The following SPATA6 variants were observed in gnomAD, a reference collection of about 807,000 sequenced individuals.
SPATA6 encodes the protein spermatogenesis-associated protein 6.
In SPATA6, 56 loss-of-function variants were observed where a neutral mutation model predicts 65.3. The observed-to-expected ratio is 0.86, with a 90% CI of 0.69 to 1.07. The LOEUF is 1.07. Ranked by LOEUF, SPATA6 falls within the 50% of genes least tolerant of loss-of-function variation. The pLI, the probability that SPATA6 is intolerant of heterozygous loss-of-function variation, is 0.00. For synonymous variants in SPATA6, 199 were observed against 213.2 expected (o/e 0.93, Z 0.58); for missense variants, 590 against 594.8 (o/e 0.99, Z 0.08).
chr1:48,272,589 G>C, the SPATA6 span, among the ~76,000 whole-genome samples: 2 of 151,964 alleles, frequency 1.3e-5, no homozygotes, highest in East Asian at 3.9e-4. Context: ...TTCATCCATT[G>C]GTGGACACTT....
At chr1:48,447,399 G>A (rs112302492) in intron 3 of SPATA6, among the ~76,000 whole-genome samples, 36 of 152,210 alleles carry the variant, frequency 2.4e-4, no homozygotes, top group African/African-American at 8.7e-4. Flanking sequence ...CGCACCTGTA[G>A]TCCCAGCCAC....
intron 6 of SPATA6, among the ~76,000 whole-genome samples, chr1:48,403,308 G>C (rs1203053232): frequency 4.6e-5 from 7 of 152,176 alleles, no homozygotes; most frequent in African/African-American, 1.7e-4. Context: ...GGCAGTACCA[G>C]TATGGCCACC....
At chr1:48,276,893 T>C in the SPATA6 span, among the ~76,000 whole-genome samples, 1 of 152,078 alleles carries the variant, frequency 6.6e-6, no homozygotes, top group Non-Finnish European at 1.5e-5. Context: ...TTTGTTAGCT[T>C]TGTGTCTCAT....
chr1:48,272,728 T>C, the SPATA6 span, among the ~76,000 whole-genome samples: 1 of 152,160 alleles, frequency 6.6e-6, no homozygotes, highest in South Asian at 2.1e-4. Flanking sequence ...CATATGATAG[T>C]TCTATTTTTA....
chr1:48,401,439 C>T (rs1651154237), intron 6 of SPATA6, among the ~76,000 whole-genome samples: 1 of 152,088 alleles, frequency 6.6e-6, no homozygotes, highest in Non-Finnish European at 1.5e-5. Context: ...GGATCCTGTT[C>T]ATGCCTAGTA....
At chr1:48,285,030 GCCACC>G in the SPATA6 span, among the ~76,000 whole-genome samples, 1 of 152,186 alleles carries the variant, frequency 6.6e-6, no homozygotes, top group South Asian at 2.1e-4. Flanking sequence ...TGCGCCCACA[GCCACC>G]CCTTCCCCCA....
At chr1:48,345,118 A>G (rs1311506805) in intron 11 of SPATA6, among the ~76,000 whole-genome samples, 1 of 152,116 alleles carries the variant, frequency 6.6e-6, no homozygotes, top group African/African-American at 2.4e-5. Flanking sequence ...TCACATAATC[A>G]GAAGTAAAAC....
At chr1:48,455,989 C>G (rs752714294) in intron 1 of SPATA6, among the ~76,000 whole-genome samples, 3 of 152,160 alleles carry the variant, frequency 2.0e-5, no homozygotes, top group Non-Finnish European at 2.9e-5. Flanking sequence ...CTTAAATCAC[C>G]TTGGCAAGCT....
At chr1:48,290,560 TAA>T (rs1386590059), downstream of SPATA6, among the ~76,000 whole-genome samples, 12 of 152,010 alleles carry the variant, frequency 7.9e-5, no homozygotes, top group Admixed American at 5.9e-4. Context: ...GCAAATTGGA[TAA>T]AGAGTCAAGA....
intron 12 of SPATA6, 107 bp downstream of exon 12, chr1:48,305,680 A>G: frequency 1.3e-6 from 1 of 782,860 alleles, no homozygotes; most frequent in Middle Eastern, 3.9e-4. Context: ...GTTAGAAATA[A>G]ATACTAATTA....
chr1:48,343,519 T>A (rs1646276952), intron 11 of SPATA6, among the ~76,000 whole-genome samples: 1 of 152,150 alleles, frequency 6.6e-6, no homozygotes. Flanking sequence ...TAATGCATCT[T>A]TGCATTGGAT....
rs145551834 is a variant in SPATA6, at chr1:48,301,596, G to C, written c.1287-2703C>G. ...AGCAATCCTGAGCAAACAGAACGAA[G>C]TTGGAGGCATCACATAACCTGACTT... On this transcript the variant is annotated intron_variant, in intron 12 of 12. Transcript: ENST00000371847. Among the ~76,000 whole-genome samples, 42 of 151,308 alleles carry C rather than the reference G, an allele frequency of 2.8e-4. 1 individual carries two copies. The highest frequency in any genetic ancestry group is 2.9e-5 in the Non-Finnish European group (2 of 67,814).
At chr1:48,369,732 G>A (rs534211368) in intron 9 of SPATA6, among the ~76,000 whole-genome samples, 18 of 152,350 alleles carry the variant, frequency 1.2e-4, no homozygotes, top group Admixed American at 2.6e-4. Flanking sequence ...CACTTCCCGA[G>A]TGAGGCAATG....
chr1:48,275,932 G>T, the SPATA6 span, among the ~76,000 whole-genome samples: 3 of 152,052 alleles, frequency 2.0e-5, no homozygotes, highest in Admixed American at 6.5e-5. Flanking sequence ...TTGTACCTCT[G>T]GTAGAATTCA....
intron 9 of SPATA6, among the ~76,000 whole-genome samples, chr1:48,366,132 C>G (rs1647001934): frequency 6.6e-6 from 1 of 152,146 alleles, no homozygotes; most frequent in Admixed American, 6.5e-5. Flanking sequence ...CCTTGCATCC[C>G]AGGGATGAAG....
chr1:48,406,673 T>C (rs774598567), intron 5 of SPATA6, among the ~76,000 whole-genome samples: 3 of 152,196 alleles, frequency 2.0e-5, no homozygotes, highest in Non-Finnish European at 2.9e-5. Context: ...ATTATCATCA[T>C]CTCTACTCCA....
intron 1 of SPATA6, among the ~76,000 whole-genome samples, chr1:48,453,548 A>T (rs1225550577): frequency 1.3e-5 from 2 of 152,254 alleles, no homozygotes; most frequent in African/African-American, 2.4e-5. Flanking sequence ...GATAAAAACC[A>T]CAAATCTGAC....
intron 3 of SPATA6, among the ~76,000 whole-genome samples, chr1:48,419,155 G>A (rs1029535716): frequency 6.6e-6 from 1 of 152,120 alleles, no homozygotes; most frequent in East Asian, 1.9e-4. Flanking sequence ...TCAAGACTAA[G>A]CTTCTATTAG....
intron 5 of SPATA6, 106 bp downstream of exon 5, chr1:48,411,358 T>A (rs573271219): frequency 7.7e-7 from 1 of 1,292,046 alleles, no homozygotes; most frequent in East Asian, 2.6e-5. Context: ...GTAAACTAAA[T>A]TACACTTTGA....
Sources: allele counts gnomAD v4.1 joint callset (sites outside exome capture counted in the v4.1 genomes callset), GRCh38; gene constraint gnomAD v4.1.1; transcripts MANE v1.5; gene names NCBI Gene and HGNC (gene_info 2026-07-23, HGNC 2026-07-21).